Variants in C6 observed in about 807,000 individuals in gnomAD.
C6 encodes the protein complement component C6.
In C6, 101 loss-of-function variants were observed where a neutral mutation model predicts 112.9. The ratio of observed to expected loss-of-function variants is 0.89; its 90% CI spans 0.76 to 1.06. The LOEUF (loss-of-function observed/expected upper bound fraction) is 1.06. Ranked by LOEUF, C6 falls within the 50% of genes least tolerant of loss-of-function variation. The probability of loss-of-function intolerance (pLI) is 0.00; values close to 1 mark genes in which losing one functional copy is unlikely to be tolerated. For missense variants in C6, 1,202 were observed against 1,104.6 expected (o/e 1.09, Z -1.25); for synonymous variants, 431 against 384.1 (o/e 1.12, Z -1.43).
intron 1 of C6, among the ~76,000 whole-genome samples, chr5:41,227,179 A>T (rs940538053): frequency 1.3e-5 from 2 of 151,930 alleles, no homozygotes; most frequent in East Asian, 3.9e-4. Flanking sequence ...CCTCATGATG[A>T]TTTTAATTTG....
intron 1 of C6, among the ~76,000 whole-genome samples, chr5:41,252,417 C>T (rs114128390): frequency 0.063 from 9,606 of 152,142 alleles, 372 homozygotes; most frequent in Middle Eastern, 0.092. Context: ...TGAGGCAAAA[C>T]TGACCAGCAC....
In C6 at chr5:41,142,550, A is replaced by G. The variant is rs952037576; in HGVS notation, c.*275T>C. On this transcript the variant is annotated 3_prime_UTR_variant, in exon 18 of 18. Coordinates refer to ENST00000337836, the MANE Select transcript of C6 (RefSeq NM_000065.5). ...GCTACATAAGGGCCTCAGAAGTCAC[A>G]TTATTTTTGTACAATGTGAACAGGA... 7 of 469,478 alleles carry G rather than the reference A, an allele frequency of 1.5e-5. No homozygotes were observed. Among genetic ancestry groups the G allele is most frequent in the African/African-American group, 7.7e-5 (4 of 51,662 alleles). 29.1% of individuals were successfully genotyped at this position (469,478 alleles called of 1,614,324 possible). A position where few individuals can be genotyped will look rare whatever the true frequency, so the allele number is the denominator to read the frequency against.
intron 5 of C6, among the ~76,000 whole-genome samples, chr5:41,194,356 G>A (rs569168453): frequency 6.6e-6 from 1 of 152,260 alleles, no homozygotes; most frequent in South Asian, 2.1e-4. Flanking sequence ...CGGCTGTGGT[G>A]TAGTGAGATA....
intron 14 of C6, among the ~76,000 whole-genome samples, chr5:41,154,726 A>G (rs1001351392): frequency 5.9e-5 from 9 of 152,198 alleles, no homozygotes; most frequent in Admixed American, 1.3e-4. Context: ...TTTGAAGTGC[A>G]TACTTCACAG....
At chr5:41,160,028 C>T in intron 11 of C6, 114 bp downstream of exon 11, 1 of 819,522 alleles carries the variant, frequency 1.2e-6, no homozygotes, top group Non-Finnish European at 2.1e-6. Flanking sequence ...TCCCTCTGAG[C>T]CTGTACAAGG....
At chr5:41,258,266 G>C (rs1741840214) in intron 1 of C6, among the ~76,000 whole-genome samples, 1 of 152,164 alleles carries the variant, frequency 6.6e-6, no homozygotes, top group Admixed American at 6.5e-5. Flanking sequence ...AAGGTGACTT[G>C]TGAAGTCAAA....
At chr5:41,225,467 T>C (rs1739430589) in intron 1 of C6, among the ~76,000 whole-genome samples, 1 of 152,224 alleles carries the variant, frequency 6.6e-6, no homozygotes, top group Non-Finnish European at 1.5e-5. Flanking sequence ...CAGTCTATCA[T>C]TGTTGGACAT....
At chr5:41,191,081 T>TTTTTG (rs1750164128) in intron 5 of C6, among the ~76,000 whole-genome samples, 1 of 144,968 alleles carries the variant, frequency 6.9e-6, no homozygotes, top group African/African-American at 2.6e-5. Context: ...TTTTTTTTTT[T>TTTTTG]TTTTTTGCAG....
At chr5:41,225,354 G>A (rs1739423185) in intron 1 of C6, among the ~76,000 whole-genome samples, 1 of 152,032 alleles carries the variant, frequency 6.6e-6, no homozygotes, top group Non-Finnish European at 1.5e-5. Context: ...TGCTGAGAAT[G>A]GTGGTTTCCA....
At chr5:41,261,140 C>T (rs1048031363) in intron 1 of C6, 1 of 955,990 alleles carries the variant, frequency 1.0e-6, no homozygotes, top group Admixed American at 6.2e-5. Context: ...AAGCACCAAC[C>T]TCATATGCAT....
intron 6 of C6, 98 bp downstream of exon 6, chr5:41,185,972 T>C: frequency 6.8e-7 from 1 of 1,469,826 alleles, no homozygotes; most frequent in Non-Finnish European, 9.5e-7. Context: ...TTCACCACCT[T>C]TTTATTCTGT....
At chr5:41,169,709 G>C (rs984940941) in intron 9 of C6, among the ~76,000 whole-genome samples, 2 of 152,056 alleles carry the variant, frequency 1.3e-5, no homozygotes, top group African/African-American at 4.8e-5. Flanking sequence ...GAAGGGGAAA[G>C]TGCTGCATAC....
chr5:41,188,959 T>G (rs541841887), intron 5 of C6, among the ~76,000 whole-genome samples: 9 of 152,052 alleles, frequency 5.9e-5, no homozygotes, highest in Non-Finnish European at 1.3e-4. Context: ...CATGAGCAAA[T>G]AATTTGAGTA....
chr5:41,237,051 C>A (rs144730560), intron 1 of C6, among the ~76,000 whole-genome samples: 1 of 148,812 alleles, frequency 6.7e-6, no homozygotes, highest in Non-Finnish European at 1.5e-5. Context: ...TCTGAATAGA[C>A]CAATAACAGG....
intron 1 of C6, among the ~76,000 whole-genome samples, chr5:41,258,941 C>G (rs1189008408): frequency 6.6e-6 from 1 of 152,154 alleles, no homozygotes; most frequent in Non-Finnish European, 1.5e-5. Context: ...TGGTCCCACC[C>G]TTGACATGTG....
Position 41,195,184 on chromosome 5 carries a change from T to G in C6, c.587+608A>C, listed in dbSNP as rs1325067250. Among the ~76,000 whole-genome samples, 3 of 152,202 alleles carry G rather than the reference T, an allele frequency of 2.0e-5. No homozygotes were observed. In the East Asian group the frequency reaches 5.8e-4, roughly 29 times the overall value. ...TATGGGAGAGAATACCTAGCTATATTCACTTCACCTCTTACTCTCTTACGT... is the reference window on the plus strand; with the variant it reads ...TATGGGAGAGAATACCTAGCTATATGCACTTCACCTCTTACTCTCTTACGT... On this transcript the variant is annotated intron_variant, in intron 5 of 17. Coordinates refer to ENST00000337836, the MANE Select transcript of C6 (RefSeq NM_000065.5).
In C6 at chr5:41,147,627, C is replaced by T. The variant is rs376377601; in HGVS notation, c.2623+1614G>A. ...AATATGGTTTTTGTCTTTCTTTTTG[C>T]AAAAGTAAGGTGGTTTCAGCAAAGA... On this transcript the variant is annotated intron_variant, in intron 17 of 17. Coordinates refer to ENST00000337836, the MANE Select transcript of C6 (RefSeq NM_000065.5). Among the ~76,000 whole-genome samples, 21 of 152,200 alleles carry T rather than the reference C, an allele frequency of 1.4e-4. No homozygotes were observed. The South Asian group carries it at 1.9e-3, about 14-fold the overall frequency.
intron 5 of C6, among the ~76,000 whole-genome samples, chr5:41,194,648 T>C (rs181890307): frequency 2.2e-4 from 33 of 152,364 alleles, no homozygotes; most frequent in African/African-American, 7.9e-4. Context: ...GCAAACTATC[T>C]GCCTTCTGGC....
At chr5:41,192,963 A>G (rs555739015) in intron 5 of C6, among the ~76,000 whole-genome samples, 15 of 152,296 alleles carry the variant, frequency 9.8e-5, no homozygotes, top group Non-Finnish European at 1.9e-4. Flanking sequence ...TATCATGGTG[A>G]TGGTTATATA....
Sources: allele counts gnomAD v4.1 joint callset (sites outside exome capture counted in the v4.1 genomes callset), GRCh38; gene constraint gnomAD v4.1.1; transcripts MANE v1.5; gene names NCBI Gene and HGNC (gene_info 2026-07-23, HGNC 2026-07-21).